Variants in TTN observed in about 807,000 individuals in gnomAD.
TTN encodes connectin.
In TTN, 1,525 loss-of-function variants were observed where a neutral mutation model predicts 3,223.0. The ratio of observed to expected loss-of-function variants is 0.47; its 90% CI spans 0.45 to 0.49. TTN has a LOEUF of 0.49. Ranked by LOEUF, TTN falls within the 20% of genes least tolerant of loss-of-function variation. The pLI is 0.00. For missense variants in TTN, 40,786 were observed against 43,424.0 expected (o/e 0.94, Z 5.40); for synonymous variants, 14,094 against 15,161.0 (o/e 0.93, Z 5.17).
At chr2:178,674,214 C>A (rs988840672) in intron 151 of TTN, 100 bp downstream of exon 151, 21 of 724,754 alleles carry the variant, frequency 2.9e-5, no homozygotes, top group Non-Finnish European at 4.6e-5. Context: ...ATCATGGATA[C>A]GATATAAGAA....
Position 178,775,398 on chromosome 2 carries a change from T to G in TTN, c.6466A>C (p.Ile2156Leu), listed in dbSNP as rs751393901. Reference protein sequence around the residue: ...SASIMVKAINIAGETSSHAFL... With the variant: ...SASIMVKAINLAGETSSHAFL... ...GCGTGACTGGAGGTTTCTCCAGCTA[T>G]GTTGATGGCTTTTACCATGATGCTG... is the stretch of plus-strand genomic sequence containing the variant. Residue 2156 changes from isoleucine (I) to leucine (L), a missense_variant, in exon 28 of 363, where the codon ATA becomes CTA. By Grantham distance (5) the Ile-to-Leu change is conservative (BLOSUM62 2). Transcript: ENST00000589042. 2 of 1,614,078 alleles carry G rather than the reference T, an allele frequency of 1.2e-6. No homozygotes were observed. The highest frequency in any genetic ancestry group is 1.7e-6 in the Non-Finnish European group (2 of 1,180,002).
chr2:178,584,559 C>T lies in TTN; in HGVS notation c.64992G>A (p.Lys21664=). Residue 21664 remains lysine, a synonymous_variant, in exon 311 of 363, where the codon AAG becomes AAA. Transcript: ENST00000589042. ...QFPFGVPSEP[K]NARVTKVNKD... The stretch of plus-strand genomic sequence containing the variant: ...TGTTGACTTTGGTGACTCGTGCATT[C>T]TTTGGTTCACTAGGAACACCTGGAG... 3 of 1,612,182 alleles carry T rather than the reference C, an allele frequency of 1.9e-6. No homozygotes were observed. The highest frequency in any genetic ancestry group is 2.5e-6 in the Non-Finnish European group (3 of 1,178,788).
intron 156 of TTN, 42 bp downstream of exon 156, chr2:178,671,048 T>C (rs1212450034): frequency 1.5e-5 from 22 of 1,461,146 alleles, no homozygotes; most frequent in African/African-American, 2.9e-5. Flanking sequence ...CAAGGTGCTA[T>C]TGTATGTAAA....
chr2:178,728,650 CTA>C lies in TTN; in HGVS notation c.19274_19275del (p.Ile6425SerfsTer4). The stretch of plus-strand genomic sequence containing the variant: ...CTCATTGAAAAGTATCTACTGGGAA[CTA>C]TTTGTTTCCCGTCTTTAAGCCATTT... The part of the protein sequence containing the change: ...KVKWLKDGKQ[I>X]VPSRYFSMSF... On this transcript the variant is annotated frameshift_variant, in exon 66 of 363. Coordinates refer to ENST00000589042, the MANE Select transcript of TTN (RefSeq NM_001267550.2). LOFTEE classifies it high-confidence loss of function. The C allele has an allele frequency of 6.2e-7, 1 of 1,613,350 alleles. No homozygotes were observed.
At position 178,609,300 on chromosome 2, in the gene TTN, C is replaced by T. The variant is rs775700218; in HGVS notation, c.52010G>A (p.Arg17337Gln). The T allele has an allele frequency of 2.6e-5, 42 of 1,601,316 alleles. No homozygotes were observed. Among genetic ancestry groups the T allele is most frequent in the Middle Eastern group, 1.7e-4 (1 of 6,006 alleles). Residue 17337 changes from arginine (R) to glutamine (Q), a missense_variant, in exon 273 of 363, where the codon CGA (arginine) becomes CAA (glutamine). Transcript: ENST00000589042. ...SKKGESQLRV[R>Q]DSLRPDHGLY... ...ACCATGGTCAGGTCGGAGAGAATCT[C>T]GGACGCGTAGCTGAGATTCTCCCTT...
In TTN at chr2:178,782,444, C is replaced by G; in HGVS notation, c.3165-17G>C. Reference sequence around the variant, plus strand: ...TCAACAAAGCTGGAAAGAGAATTCCCCTCATATTAGCTTCCGGGTTGCAAT... The same window carrying G: ...TCAACAAAGCTGGAAAGAGAATTCCGCTCATATTAGCTTCCGGGTTGCAAT... On this transcript the variant is annotated splice_polypyrimidine_tract_variant and intron_variant, in intron 19 of 362. Coordinates refer to ENST00000589042, the MANE Select transcript of TTN (RefSeq NM_001267550.2). The G allele has an allele frequency of 6.2e-7, 1 of 1,613,970 alleles. No individual in the cohort carries two copies. Among genetic ancestry groups the G allele is most frequent in the South Asian group, 1.1e-5 (1 of 91,070 alleles).
Position 178,780,020 on chromosome 2 carries a change from T to A in TTN, c.3709A>T (p.Arg1237Ter). 6.2e-7 allele frequency: 1 copy of A among 1,612,892 alleles called. No homozygotes were observed. Among genetic ancestry groups the A allele is most frequent in the Non-Finnish European group, 8.5e-7 (1 of 1,179,796 alleles). The change falls in exon 22 of 363, where the codon AGA becomes TGA. Residue 1237 changes from arginine to a stop codon, truncating the protein, a stop_gained. Transcript: ENST00000589042. LOFTEE classifies it high-confidence loss of function. ...CTCACCTGATCTTCTACATAAGTTCTGACCACTACAGTATCTTTGGCCATT... is the reference window on the plus strand; with the variant it reads ...CTCACCTGATCTTCTACATAAGTTCAGACCACTACAGTATCTTTGGCCATT... ...KKMAKDTVVV[R>*]TYVEDQEFHI... is the part of the protein sequence containing the mutation.
Position 178,723,967 on chromosome 2 carries a change from C to T in TTN, c.21292G>A (p.Val7098Ile), listed in dbSNP as rs878978917. 2.5e-6 allele frequency: 4 copies of T among 1,613,610 alleles called. No individual in the cohort carries two copies. Among genetic ancestry groups the T allele is most frequent in the Non-Finnish European group, 3.4e-6 (4 of 1,179,626 alleles). The change falls in exon 73 of 363, where the codon GTC (valine) becomes ATC (isoleucine). Residue 7098 changes from valine (V) to isoleucine (I), a missense_variant. Coordinates refer to ENST00000589042, the MANE Select transcript of TTN (RefSeq NM_001267550.2). ...AKYQTTFSDN[V>I]CTLQLNSLDS... ...AGAGAATTCAACTGCAATGTGCAGA[C>T]ATTATCTGAAAATGTGGTTTGGTAC...
intron 201 of TTN, 37 bp from the exon 202 acceptor site, chr2:178,652,578 T>G: frequency 6.2e-7 from 1 of 1,610,966 alleles, no homozygotes; most frequent in Non-Finnish European, 8.5e-7. Flanking sequence ...TTAGAAGTTA[T>G]GAAGACCATT....
intron 311 of TTN, 30 bp from the exon 312 acceptor site, chr2:178,583,936 T>TATC: frequency 6.7e-7 from 1 of 1,487,742 alleles, no homozygotes; most frequent in Non-Finnish European, 9.0e-7. Flanking sequence ...ACTCACCATT[T>TATC]ATCTTACCAG....
intron 250 of TTN, 48 bp from the exon 251 acceptor site, chr2:178,618,901 C>G: frequency 6.3e-7 from 1 of 1,579,638 alleles, no homozygotes; most frequent in East Asian, 2.3e-5. Flanking sequence ...TAAACGTAGC[C>G]AAGCTACATC....
At chr2:178,677,534 T>C (rs2068366183) in intron 146 of TTN, 87 bp downstream of exon 146, 6 of 1,354,160 alleles carry the variant, frequency 4.4e-6, no homozygotes, top group East Asian at 2.4e-5. Flanking sequence ...TAAAGGATTA[T>C]AGATAAAACT....
Position 178,611,098 on chromosome 2 carries a change from G to T in TTN, c.51031C>A (p.His17011Asn), listed in dbSNP as rs1471950857. The change falls in exon 270 of 363, where the codon CAC becomes AAC. Residue 17011 changes from histidine to asparagine, a missense_variant. By Grantham distance (68) the His-to-Asn change is moderately conservative. Coordinates refer to ENST00000589042, the MANE Select transcript of TTN (RefSeq NM_001267550.2). Reference sequence around the variant, plus strand: ...CGGACACTCTTGGGAACTTCAAGGTGTGCAGAGATGTGATCATTCTTCATT... The same window carrying T: ...CGGACACTCTTGGGAACTTCAAGGTTTGCAGAGATGTGATCATTCTTCATT... ...LTMKNDHISA[H>N]LEVPKSVRAD... is the part of the protein sequence containing the mutation. 1 of 1,612,836 alleles carries T rather than the reference G, an allele frequency of 6.2e-7. No individual in the cohort carries two copies. The highest frequency in any genetic ancestry group is 1.7e-5 in the Admixed American group (1 of 59,948).
At chr2:178,757,503 T>C (rs1561098116) in intron 45 of TTN, 39 bp downstream of exon 45, 1 of 1,518,608 alleles carries the variant, frequency 6.6e-7, no homozygotes. Flanking sequence ...CTGAGAGGTA[T>C]ACAGCAAATC....
intron 22 of TTN, 86 bp downstream of exon 22, chr2:178,779,914 T>C (rs1050902744): frequency 1.4e-5 from 20 of 1,387,090 alleles, no homozygotes; most frequent in Non-Finnish European, 2.0e-5. Flanking sequence ...AACCCCGAGC[T>C]CATCACTTGA....
In TTN at chr2:178,764,820, A is replaced by C. The variant is rs748434653; in HGVS notation, c.9704-9T>G. On this transcript the variant is annotated splice_polypyrimidine_tract_variant and intron_variant, in intron 41 of 362. Transcript: ENST00000589042. ...TTGGGGCGGTTCAGGAGCTAGGAGTAAATGTTGACAAATAGCCCATGAAAA... is the reference window on the plus strand; with the variant it reads ...TTGGGGCGGTTCAGGAGCTAGGAGTCAATGTTGACAAATAGCCCATGAAAA... The C allele has an allele frequency of 6.2e-7, 1 of 1,612,328 alleles. No individual in the cohort carries two copies. The highest frequency in any genetic ancestry group is 1.1e-5 in the South Asian group (1 of 91,006).
Position 178,546,422 on chromosome 2 carries a change from C to G in TTN, c.94909G>C (p.Ala31637Pro), listed in dbSNP as rs1238019151. The change falls in exon 342 of 363, where the codon GCT becomes CCT. Residue 31637 changes from alanine (A) to proline (P), a missense_variant. Ala to Pro is a conservative substitution (Grantham distance 27). Coordinates refer to ENST00000589042, the MANE Select transcript of TTN (RefSeq NM_001267550.2). The part of the protein sequence containing the change: ...IRAGSDLVLD[A>P]AVGGKPEPKI... ...GGTTCAGGTTTGCCACCAACTGCAG[C>G]ATCCAGAACAAGATCAGAACCTGCT... 6.2e-7 allele frequency: 1 copy of G among 1,613,622 alleles called. No individual in the cohort carries two copies. Among genetic ancestry groups the G allele is most frequent in the Non-Finnish European group, 8.5e-7 (1 of 1,179,752 alleles).
intron 248 of TTN, 46 bp downstream of exon 248, chr2:178,620,171 G>A (rs1468065314): frequency 1.3e-6 from 2 of 1,580,766 alleles, no homozygotes; most frequent in Non-Finnish European, 1.7e-6. Flanking sequence ...ATTGTCAAAA[G>A]TGTATATATA....
At chr2:178,733,994 ATAC>A (rs2081001810) in intron 52 of TTN, 102 bp from the exon 53 acceptor site, 5 of 1,139,620 alleles carry the variant, frequency 4.4e-6, no homozygotes, top group Non-Finnish European at 4.8e-6. Context: ...TCTTGTCCCA[ATAC>A]TACTATTTCA....
Sources: allele counts gnomAD v4.1 joint callset, GRCh38; gene constraint gnomAD v4.1.1; transcripts MANE v1.5; gene names NCBI Gene and HGNC (gene_info 2026-07-23, HGNC 2026-07-21).